Variants in CMTM4 observed in about 807,000 individuals in gnomAD.
The protein encoded by CMTM4 is CKLF-like MARVEL transmembrane domain-containing protein 4.
In CMTM4, 8 loss-of-function variants were observed where a neutral mutation model predicts 19.0. The ratio of observed to expected loss-of-function variants is 0.42; its 90% CI spans 0.25 to 0.76. The LOEUF is 0.76. Among genes scored for constraint, CMTM4 ranks in the 30% least tolerant of loss-of-function variants. CMTM4 has a pLI of 0.27. For synonymous variants in CMTM4, 106 were observed against 121.1 expected (o/e 0.88, Z 0.82); for missense variants, 228 against 290.2 (o/e 0.79, Z 1.56).
At chr16:66,650,597 G>C (rs2016292309) in intron 1 of CMTM4, among the ~76,000 whole-genome samples, 2 of 152,124 alleles carry the variant, frequency 1.3e-5, no homozygotes, top group Admixed American at 1.3e-4. Flanking sequence ...CCTGGTCTTA[G>C]GGTATCAGGC....
the CMTM4 span, among the ~76,000 whole-genome samples, chr16:66,599,885 C>A: frequency 6.6e-6 from 1 of 152,330 alleles, no homozygotes; most frequent in Non-Finnish European, 1.5e-5. Flanking sequence ...TCCTCACCAG[C>A]AGCTGGTAGT....
rs2015993209 is a variant in CMTM4 at position 66,636,483 on chromosome 16, A to G, written c.285T>C (p.Phe95=). The G allele has an allele frequency of 1.9e-6, 3 of 1,614,200 alleles. No homozygotes were observed. In the East Asian group the frequency reaches 6.7e-5, roughly 36 times the overall value. The stretch of plus-strand genomic sequence containing the variant: ...TAATCAGCAAGACGCCAGTCACCAC[A>G]AACGCACTGCAGCTCACAAACTCAA... ...YFFEFVSCSA[F]VVTGVLLIMF... Residue 95 remains phenylalanine (F), a synonymous_variant, in exon 2 of 4, where the codon TTT becomes TTC. Transcript: ENST00000394106.
At chr16:66,633,767 G>A (rs1015959278) in intron 2 of CMTM4, among the ~76,000 whole-genome samples, 2 of 150,272 alleles carry the variant, frequency 1.3e-5, no homozygotes, top group Non-Finnish European at 3.0e-5. Flanking sequence ...GCAGTGAGCC[G>A]AGATCGCACC....
chr16:66,637,394 A>G (rs2016014446), intron 1 of CMTM4, among the ~76,000 whole-genome samples: 1 of 151,924 alleles, frequency 6.6e-6, no homozygotes, highest in South Asian at 2.1e-4. Flanking sequence ...AAAATACAAA[A>G]TCAGCCGGGT....
the CMTM4 span, chr16:66,604,298 C>G: frequency 6.6e-6 from 1 of 152,196 alleles, no homozygotes; most frequent in South Asian, 2.1e-4. Context: ...GAGGGGTGGC[C>G]AAGAAAGTCG....
At chr16:66,638,121 C>T (rs2016031187) in intron 1 of CMTM4, among the ~76,000 whole-genome samples, 1 of 152,180 alleles carries the variant, frequency 6.6e-6, no homozygotes, top group South Asian at 2.1e-4. Context: ...CAGACATCAG[C>T]TTATCCCACC....
intron 1 of CMTM4, among the ~76,000 whole-genome samples, chr16:66,648,789 T>G (rs575677687): frequency 6.6e-6 from 1 of 152,108 alleles, no homozygotes; most frequent in South Asian, 2.1e-4. Flanking sequence ...CTGGCCAACA[T>G]GGTGAAACCC....
intron 1 of CMTM4, among the ~76,000 whole-genome samples, chr16:66,692,995 G>A (rs1425044329): frequency 2.6e-5 from 4 of 151,966 alleles, no homozygotes; most frequent in South Asian, 2.1e-4. Flanking sequence ...AGACTGAGGC[G>A]GGTGGATCAC....
chr16:66,663,184 C>G (rs546249796), intron 1 of CMTM4, among the ~76,000 whole-genome samples: 2 of 152,252 alleles, frequency 1.3e-5, no homozygotes, highest in East Asian at 3.9e-4. Flanking sequence ...AGACCAGAGT[C>G]CCATAACATA....
intron 1 of CMTM4, among the ~76,000 whole-genome samples, chr16:66,644,434 TGCAG>T (rs2016152553): frequency 6.6e-6 from 1 of 152,238 alleles, no homozygotes; most frequent in South Asian, 2.1e-4. Flanking sequence ...AAGGATCTAT[TGCAG>T]TGGAGGCCAA....
intron 1 of CMTM4, among the ~76,000 whole-genome samples, chr16:66,662,491 T>A (rs953548570): frequency 2.0e-5 from 3 of 152,164 alleles, no homozygotes; most frequent in Non-Finnish European, 4.4e-5. Context: ...ATCCTGGGTT[T>A]TATTTTCCTT....
the CMTM4 span, chr16:66,604,993 G>T: frequency 7.0e-7 from 1 of 1,425,092 alleles, no homozygotes; most frequent in Non-Finnish European, 9.1e-7. Context: ...CTAGGACTGC[G>T]CGGCTCCTTT....
In CMTM4 at chr16:66,618,742, A is replaced by ATC. The variant is rs1298835617; in HGVS notation, c.*3315_*3316insGA. The ATC allele has an allele frequency of 6.1e-6, 6 of 985,404 alleles. No homozygotes were observed. Among genetic ancestry groups the ATC allele is most frequent in the Non-Finnish European group, 7.2e-6 (6 of 829,980 alleles). The allele number at this position is 985,404 out of a possible 1,614,324, so 61.0% of individuals were successfully genotyped here. A position where few individuals can be genotyped will look rare whatever the true frequency, so the allele number is the denominator to read the frequency against. On this transcript the variant is annotated 3_prime_UTR_variant, in exon 4 of 4. Transcript: ENST00000394106. The stretch of plus-strand genomic sequence containing the variant: ...CACAGATGTAACTGCAAACTTGAAG[A>ATC]GAGTCAGAATGTTTTCAACTGAGTC...
chr16:66,624,333 T>C (rs1456197873), intron 2 of CMTM4, among the ~76,000 whole-genome samples: 3 of 152,202 alleles, frequency 2.0e-5, no homozygotes, highest in African/African-American at 7.2e-5. Flanking sequence ...GCCTGGGTCA[T>C]ACCAGAGTAC....
chr16:66,660,175 C>T (rs190425297), intron 1 of CMTM4, among the ~76,000 whole-genome samples: 52 of 152,062 alleles, frequency 3.4e-4, no homozygotes, highest in Admixed American at 9.8e-4. Flanking sequence ...ATCACTTGAG[C>T]CCAGGAGTTG....
intron 1 of CMTM4, among the ~76,000 whole-genome samples, chr16:66,692,906 C>CAA (rs200187109): frequency 3.5e-5 from 4 of 114,158 alleles, no homozygotes; most frequent in South Asian, 2.7e-4. Context: ...GACTCCATCT[C>CAA]AAAAAAAAAA....
At chr16:66,669,738 G>C (rs1167317830) in intron 1 of CMTM4, among the ~76,000 whole-genome samples, 2 of 152,030 alleles carry the variant, frequency 1.3e-5, no homozygotes, top group Non-Finnish European at 2.9e-5. Context: ...TAGAGATGGG[G>C]TTTCACTGTG....
chr16:66,693,309 A>C (rs1219958113), intron 1 of CMTM4, among the ~76,000 whole-genome samples: 3 of 152,032 alleles, frequency 2.0e-5, no homozygotes, highest in Non-Finnish European at 4.4e-5. Flanking sequence ...CACAGTGGCT[A>C]CTCCGAGGCA....
In CMTM4 at chr16:66,620,823, C is replaced by A. The variant is rs355946; in HGVS notation, c.*1235G>T. 0.072 allele frequency: 70,543 copies of A among 985,018 alleles called. 3,228 individuals are homozygous for A. The highest frequency in any genetic ancestry group is 0.27 in the East Asian group (2,349 of 8,794). 61.0% of individuals were successfully genotyped at this position (985,018 alleles called of 1,614,324 possible). A position where few individuals can be genotyped will look rare whatever the true frequency, so the allele number is the denominator to read the frequency against. ...CTTTTTTCCATAAAAGATATAATTA[C>A]TCTCTAATTTTTTAAAAAAACTACT... On this transcript the variant is annotated 3_prime_UTR_variant, in exon 4 of 4. Coordinates refer to ENST00000394106, the MANE Select transcript of CMTM4 (RefSeq NM_181521.3).
Sources: allele counts gnomAD v4.1 joint callset (sites outside exome capture counted in the v4.1 genomes callset), GRCh38; gene constraint gnomAD v4.1.1; transcripts MANE v1.5; gene names NCBI Gene and HGNC (gene_info 2026-07-23, HGNC 2026-07-21).